The following VWA5A variants were observed in gnomAD, a reference collection of about 807,000 sequenced individuals.
VWA5A encodes von Willebrand factor A domain containing 5A.
Under a neutral mutation model 84.6 loss-of-function variants are expected in VWA5A, and 77 were observed. That is an observed-to-expected ratio of 0.91 (90% CI 0.76 to 1.10). The LOEUF (loss-of-function observed/expected upper bound fraction) is 1.10, where lower values mean the gene tolerates loss of function less well. Among genes scored for constraint, VWA5A ranks in the 50% least tolerant of loss-of-function variants. The pLI is 0.00. For synonymous variants in VWA5A, 334 were observed against 350.1 expected (o/e 0.95, Z 0.51); for missense variants, 973 against 963.0 (o/e 1.01, Z -0.14).
At chr11:124,135,571 C>T (rs1865165506) in intron 12 of VWA5A, among the ~76,000 whole-genome samples, 1 of 131,904 alleles carries the variant, frequency 7.6e-6, no homozygotes, top group Admixed American at 7.9e-5. Flanking sequence ...CGCTCTGTCG[C>T]CCAGGCTGGA....
chr11:124,142,466 A>C lies in VWA5A; in HGVS notation c.2048A>C (p.Gln683Pro). 1 of 1,614,208 alleles carries C rather than the reference A, an allele frequency of 6.2e-7. No individual in the cohort carries two copies. The highest frequency in any genetic ancestry group is 1.3e-5 in the African/African-American group (1 of 75,058). ...SPGFGENHLVQLIYHQNANGS... is the reference protein window; with the variant it reads ...SPGFGENHLVPLIYHQNANGS... The stretch of plus-strand genomic sequence containing the variant: ...GGCTTTGGAGAGAATCACCTTGTGC[A>C]GCTGATTTACCACCAAAATGCAAAT... The change falls in exon 17 of 19, where the codon CAG becomes CCG. Residue 683 changes from glutamine to proline, a missense_variant. Gln to Pro is a moderately conservative substitution (Grantham distance 76). Coordinates refer to ENST00000456829, the MANE Select transcript of VWA5A (RefSeq NM_001130142.2).
chr11:124,143,550 A>G (rs1469238231), intron 17 of VWA5A, among the ~76,000 whole-genome samples: 1 of 152,238 alleles, frequency 6.6e-6, no homozygotes, highest in Non-Finnish European at 1.5e-5. Context: ...TATAAAAAGG[A>G]ATAAAACATT....
intron 17 of VWA5A, among the ~76,000 whole-genome samples, chr11:124,144,879 TG>T (rs1303596986): frequency 1.3e-5 from 2 of 152,084 alleles, no homozygotes; most frequent in African/African-American, 2.4e-5. Flanking sequence ...ATTTCTTTGG[TG>T]GGGGGGTATA....
At chr11:124,139,375 T>G (rs1273680232) in intron 15 of VWA5A, among the ~76,000 whole-genome samples, 2 of 152,290 alleles carry the variant, frequency 1.3e-5, no homozygotes, top group African/African-American at 4.8e-5. Context: ...TGTAAATTGC[T>G]TTGGGTATTA....
Position 124,118,285 on chromosome 11 carries a change from G to A in VWA5A, c.343G>A (p.Gly115Ser). 1.2e-6 allele frequency: 2 copies of A among 1,614,184 alleles called. No homozygotes were observed. Among genetic ancestry groups the A allele is most frequent in the Non-Finnish European group, 1.7e-6 (2 of 1,180,036 alleles). ...SSRDVFSCNV[G>S]NLQPGSKAAV... ...CAGGGATGTCTTCTCTTGCAATGTG[G>A]GTAACCTCCAACCTGGGTCGAAGGC... is the stretch of plus-strand genomic sequence containing the variant. Residue 115 changes from glycine (G) to serine (S), a missense_variant, in exon 5 of 19, where the codon GGT becomes AGT. Coordinates refer to ENST00000456829, the MANE Select transcript of VWA5A (RefSeq NM_001130142.2).
Position 124,123,413 on chromosome 11 carries a change from C to T in VWA5A, c.978C>T (p.Phe326=). ...AGAGTTTACCTATAGGCTGTTATTTCAACATCTATGGATTTGGCTCTTCCT... is the reference window on the plus strand; with the variant it reads ...AGAGTTTACCTATAGGCTGTTATTTTAACATCTATGGATTTGGCTCTTCCT... ...LLKSLPIGCY[F]NIYGFGSSYE... is the part of the protein sequence containing the mutation. The change falls in exon 9 of 19, where the codon TTC becomes TTT. Residue 326 remains phenylalanine (F), a synonymous_variant. Coordinates refer to ENST00000456829, the MANE Select transcript of VWA5A (RefSeq NM_001130142.2). 6.2e-7 allele frequency: 1 copy of T among 1,614,044 alleles called. No homozygotes were observed. The highest frequency in any genetic ancestry group is 1.1e-5 in the South Asian group (1 of 91,052).
rs761417570 is a variant in VWA5A at position 124,145,829 on chromosome 11, A to G, written c.2282-37A>G. 3 of 1,554,062 alleles carry G rather than the reference A, an allele frequency of 1.9e-6. No homozygotes were observed. The South Asian group carries it at 3.6e-5, about 18-fold the overall frequency. On this transcript the variant is annotated intron_variant, in intron 18 of 18. Transcript: ENST00000456829. Reference sequence around the variant, plus strand: ...AGGTTTGGAGGAGCCTCTAATTGCAATCCTTCATCCCTGCTTCTTGTTTTT... The same window carrying G: ...AGGTTTGGAGGAGCCTCTAATTGCAGTCCTTCATCCCTGCTTCTTGTTTTT...
chr11:124,124,139 G>A, intron 10 of VWA5A, 98 bp from the exon 11 acceptor site: 1 of 1,150,256 alleles, frequency 8.7e-7, no homozygotes, highest in African/African-American at 1.6e-5. Context: ...AGGCACCAGA[G>A]CCTCTGCAAT....
At chr11:124,116,417 C>A (rs1319799252) in intron 1 of VWA5A, 149 bp from the exon 2 acceptor site, 5 of 152,262 alleles carry the variant, frequency 3.3e-5, no homozygotes, top group African/African-American at 1.2e-4. Context: ...TGTAGGGGTG[C>A]CCTTTGCGTC....
intron 11 of VWA5A, 65 bp downstream of exon 11, chr11:124,124,381 C>A: frequency 6.4e-7 from 1 of 1,569,520 alleles, no homozygotes; most frequent in African/African-American, 1.4e-5. Context: ...TCTAGTGCTA[C>A]ATGATGCCGG....
intron 7 of VWA5A, among the ~76,000 whole-genome samples, chr11:124,122,355 T>C (rs183750019): frequency 6.6e-6 from 1 of 152,322 alleles, no homozygotes; most frequent in East Asian, 1.9e-4. Flanking sequence ...CACCATTGTT[T>C]GGATGATGAT....
intron 17 of VWA5A, 118 bp from the exon 18 acceptor site, chr11:124,145,119 G>A (rs1860795111): frequency 1.5e-6 from 2 of 1,309,404 alleles, no homozygotes; most frequent in Non-Finnish European, 2.0e-6. Flanking sequence ...GGTAAAGAGA[G>A]ACCAGGTAAC....
Position 124,123,111 on chromosome 11 carries a change from G to A in VWA5A, c.912G>A (p.Leu304=). The A allele has an allele frequency of 6.2e-7, 1 of 1,611,176 alleles. No homozygotes were observed. Among genetic ancestry groups the A allele is most frequent in the Non-Finnish European group, 8.5e-7 (1 of 1,179,316 alleles). The stretch of plus-strand genomic sequence containing the variant: ...TGAGTAGCCAGGATACATCTCAGCT[G>A]CGAATACAGGCAGCCAAGGTAAAGC... ...SPMSSQDTSQ[L]RIQAAKETLI... Residue 304 remains leucine (L), a synonymous_variant, in exon 8 of 19, where the codon CTG becomes CTA. Transcript: ENST00000456829.
At chr11:124,133,501 T>C (rs779935898) in intron 11 of VWA5A, among the ~76,000 whole-genome samples, 18 of 152,244 alleles carry the variant, frequency 1.2e-4, no homozygotes, top group Non-Finnish European at 2.2e-4. Context: ...AGACCTTTGA[T>C]GTTTTCAAAC....
chr11:124,125,314 G>T (rs1349624347), intron 11 of VWA5A, among the ~76,000 whole-genome samples: 2 of 149,072 alleles, frequency 1.3e-5, no homozygotes, highest in Non-Finnish European at 3.0e-5. Context: ...ATGGAGTCTC[G>T]CTCTTTCGCC....
At chr11:124,115,585 G>C (rs1864814531) in intron 1 of VWA5A, 103 bp downstream of exon 1, 1 of 152,168 alleles carries the variant, frequency 6.6e-6, no homozygotes, top group Non-Finnish European at 1.5e-5. Flanking sequence ...CAAATTTGTA[G>C]GGGCTCCTTG....
At chr11:124,144,557 C>T (rs1234983961) in intron 17 of VWA5A, among the ~76,000 whole-genome samples, 1 of 152,156 alleles carries the variant, frequency 6.6e-6, no homozygotes, top group African/African-American at 2.4e-5. Context: ...GAAATAAGAC[C>T]ACTCAGAGAG....
At chr11:124,131,948 G>T (rs894625025) in intron 11 of VWA5A, among the ~76,000 whole-genome samples, 1 of 151,352 alleles carries the variant, frequency 6.6e-6, no homozygotes, top group Non-Finnish European at 1.5e-5. Context: ...TTGCTGTAAG[G>T]GTTTCCCTTT....
At chr11:124,125,303 G>A (rs1273103417) in intron 11 of VWA5A, among the ~76,000 whole-genome samples, 1 of 148,948 alleles carries the variant, frequency 6.7e-6, no homozygotes, top group Non-Finnish European at 1.5e-5. Context: ...TTTTTCTTGA[G>A]ATGGAGTCTC....
Sources: allele counts gnomAD v4.1 joint callset (sites outside exome capture counted in the v4.1 genomes callset), GRCh38; gene constraint gnomAD v4.1.1; transcripts MANE v1.5; gene names NCBI Gene and HGNC (gene_info 2026-07-23, HGNC 2026-07-21).